The following HMGB1 variants were observed in gnomAD, a reference collection of about 807,000 sequenced individuals.
HMGB1 encodes the protein high mobility group box 1.
For synonymous variants in HMGB1, 81 were observed against 84.0 expected, an observed-to-expected ratio of 0.96 and a Z score of 0.19; for missense variants, 79 against 253.5, an observed-to-expected ratio of 0.31 and a Z score of 4.67.
chr13:30,481,329 G>C (rs1238858988), intron 1 of HMGB1, among the ~76,000 whole-genome samples: 1 of 151,752 alleles, frequency 6.6e-6, no homozygotes, highest in Admixed American at 6.6e-5. Context: ...AGAATGCCAA[G>C]AAGGGGAAGA....
intron 1 of HMGB1, among the ~76,000 whole-genome samples, chr13:30,530,059 A>G (rs1399801927): frequency 6.6e-6 from 1 of 152,234 alleles, no homozygotes; most frequent in Non-Finnish European, 1.5e-5. Context: ...ATTACCAAAG[A>G]TTTAAAAATA....
chr13:30,464,527 G>C, intron 1 of HMGB1: 1 of 984,768 alleles, frequency 1.0e-6, no homozygotes, highest in Non-Finnish European at 1.2e-6. Context: ...AGAGGACGCG[G>C]CCCGGCTCCC....
intron 1 of HMGB1, among the ~76,000 whole-genome samples, chr13:30,505,654 T>C (rs977712450): frequency 6.6e-6 from 1 of 151,960 alleles, no homozygotes; most frequent in Non-Finnish European, 1.5e-5. Context: ...AAGTAGAGTA[T>C]AACGAAACCC....
chr13:30,589,108 C>T (rs1187671825), intron 1 of HMGB1, among the ~76,000 whole-genome samples: 2 of 150,674 alleles, frequency 1.3e-5, no homozygotes, highest in Non-Finnish European at 2.9e-5. Flanking sequence ...CAGGTTTAAG[C>T]GATTCTCCAG....
At chr13:30,585,561 C>T (rs1430281056) in intron 1 of HMGB1, among the ~76,000 whole-genome samples, 2 of 151,856 alleles carry the variant, frequency 1.3e-5, no homozygotes, top group Non-Finnish European at 2.9e-5. Context: ...GCCTGTAATC[C>T]CAGCTACTCG....
chr13:30,611,210 A>T (rs192713882), intron 1 of HMGB1, among the ~76,000 whole-genome samples: 286 of 152,024 alleles, frequency 1.9e-3, no homozygotes, highest in Admixed American at 3.5e-3. Flanking sequence ...TTTTTTTTTG[A>T]GACGCAGTCT....
upstream of HMGB1, chr13:30,465,974 A>G: frequency 1.0e-6 from 1 of 985,142 alleles, no homozygotes; most frequent in African/African-American, 1.8e-5. Context: ...GCTACCGCCA[A>G]CTCACGGGGC....
intron 1 of HMGB1, among the ~76,000 whole-genome samples, chr13:30,520,110 T>A (rs139251845): frequency 0.13 from 20,298 of 151,874 alleles, 1,442 homozygotes; most frequent in East Asian, 0.27. Context: ...TCACTGGAGC[T>A]CAGGAGTTCG....
At chr13:30,569,865 G>A (rs1312538455) in intron 1 of HMGB1, among the ~76,000 whole-genome samples, 2 of 152,186 alleles carry the variant, frequency 1.3e-5, no homozygotes, top group Non-Finnish European at 1.5e-5. Context: ...ACCTGAATCA[G>A]TGCTTGTGTT....
intron 1 of HMGB1, among the ~76,000 whole-genome samples, chr13:30,578,211 C>A: frequency 6.6e-6 from 1 of 151,764 alleles, no homozygotes; most frequent in South Asian, 2.1e-4. Context: ...GCTTTATGAA[C>A]CTTAGTGTAG....
chr13:30,514,615 T>C (rs1052943807), intron 1 of HMGB1, among the ~76,000 whole-genome samples: 3 of 152,282 alleles, frequency 2.0e-5, no homozygotes, highest in Middle Eastern at 6.8e-3. Context: ...TATGTGTGTA[T>C]CTATTTCTCA....
chr13:30,538,703 T>TTA lies in HMGB1; in HGVS notation c.-14-75010_-14-75009insTA, dbSNP rs781657723. ...TTCTTTCCTTTCTTTCTTTCTTTCTTTTTCTTTCTTTCTTCTTTTTCTTTC... is the reference window on the plus strand; with the variant it reads ...TTCTTTCCTTTCTTTCTTTCTTTCTTTATTTCTTTCTTTCTTCTTTTTCTTTC... On this transcript the variant is annotated intron_variant, in intron 1 of 4. Transcript: ENST00000405805. Among the ~76,000 whole-genome samples, 264 of 115,234 alleles carry TTA rather than the reference T, an allele frequency of 2.3e-3. 6 individuals are homozygous for TTA. The highest frequency in any genetic ancestry group is 0.013 in the South Asian group (50 of 3,874). 75.6% of individuals were successfully genotyped at this position (115,234 alleles called of 152,430 possible). A position where few individuals can be genotyped will look rare whatever the true frequency, so the allele number is the denominator to read the frequency against.
At chr13:30,546,857 G>T (rs1869184420) in intron 1 of HMGB1, among the ~76,000 whole-genome samples, 1 of 151,996 alleles carries the variant, frequency 6.6e-6, no homozygotes, top group South Asian at 2.1e-4. Flanking sequence ...CCACCTTTAG[G>T]GGTACCTGAA....
chr13:30,489,581 AC>A (rs1887437760), intron 1 of HMGB1, among the ~76,000 whole-genome samples: 1 of 152,064 alleles, frequency 6.6e-6, no homozygotes, highest in Admixed American at 6.6e-5. Flanking sequence ...TGTAGCTCTC[AC>A]TAGGAGGAGG....
chr13:30,500,472 C>T (rs1332161677), intron 1 of HMGB1, among the ~76,000 whole-genome samples: 1 of 150,982 alleles, frequency 6.6e-6, no homozygotes, highest in African/African-American at 2.4e-5. Context: ...TGGGCTCAAG[C>T]AATCCTCCCC....
intron 1 of HMGB1, among the ~76,000 whole-genome samples, chr13:30,547,103 A>C (rs1353399870): frequency 6.6e-6 from 1 of 152,272 alleles, no homozygotes; most frequent in Non-Finnish European, 1.5e-5. Context: ...CACATAACTC[A>C]TGACAAAGGC....
intron 1 of HMGB1, among the ~76,000 whole-genome samples, chr13:30,592,100 T>A (rs890894295): frequency 2.6e-5 from 4 of 152,144 alleles, no homozygotes; most frequent in South Asian, 2.1e-4. Context: ...TTGATTAAAA[T>A]ATATTTTTAA....
At chr13:30,496,235 CAAT>C (rs1887607448) in intron 1 of HMGB1, among the ~76,000 whole-genome samples, 1 of 152,172 alleles carries the variant, frequency 6.6e-6, no homozygotes, top group Non-Finnish European at 1.5e-5. Context: ...CCTATTTATT[CAAT>C]GTTTCTTGCT....
intron 1 of HMGB1, among the ~76,000 whole-genome samples, chr13:30,513,617 T>C (rs1888039344): frequency 6.6e-6 from 1 of 152,246 alleles, no homozygotes. Flanking sequence ...GGCCTGTATG[T>C]CCAAGTTTCT....
Sources: gnomAD v4.1 joint callset for allele counts (sites outside exome capture counted in the v4.1 genomes callset) on GRCh38, gnomAD v4.1.1 for gene constraint, MANE v1.5 for transcripts, NCBI Gene and HGNC (gene_info 2026-07-23, HGNC 2026-07-21) for gene names.